Variants in SFI1 observed in about 807,000 individuals in gnomAD.
SFI1 encodes SFI1 centrin binding protein, also known as protein SFI1 homolog.
A neutral mutation model predicts 207.5 loss-of-function variants in SFI1; 195 were observed. The observed-to-expected ratio is 0.94, with a 90% CI of 0.84 to 1.06. The LOEUF is 1.06. Ranked by LOEUF, SFI1 falls within the 50% of genes least tolerant of loss-of-function variation. The pLI, the probability that SFI1 is intolerant of heterozygous loss-of-function variation, is 0.00. For missense variants in SFI1, 1,634 were observed against 1,588.0 expected (o/e 1.03, Z -0.49); for synonymous variants, 630 against 598.9 (o/e 1.05, Z -0.76).
At chr22:31,530,471 C>T in intron 3 of SFI1, 1 of 234,452 alleles carries the variant, frequency 4.3e-6, no homozygotes. Context: ...ACCTGGGCGA[C>T]AGAGCAAAAC....
At chr22:31,612,893 C>T (rs563468261) in intron 24 of SFI1, 8 of 520,918 alleles carry the variant, frequency 1.5e-5, no homozygotes, top group Non-Finnish European at 2.4e-5. Context: ...GGACCTCAGG[C>T]CGCTGCCTCC....
chr22:31,603,426 C>T (rs2068451069), intron 17 of SFI1, among the ~76,000 whole-genome samples: 1 of 152,128 alleles, frequency 6.6e-6, no homozygotes, highest in Non-Finnish European at 1.5e-5. Context: ...TGCTTTGGGG[C>T]CTTTCAGTGT....
At chr22:31,589,687 T>A in intron 15 of SFI1, 110 bp downstream of exon 15, 1 of 1,200,366 alleles carries the variant, frequency 8.3e-7, no homozygotes, top group Non-Finnish European at 1.1e-6. Context: ...CAGGCCCTAG[T>A]ACTTCCTGGA....
chr22:31,575,448 A>G (rs1002425378), intron 10 of SFI1, 56 bp downstream of exon 10: 63 of 1,471,624 alleles, frequency 4.3e-5, no homozygotes, highest in Non-Finnish European at 4.3e-5. Flanking sequence ...GCATGAGCTC[A>G]GCAGCATGTG....
At position 31,618,374 on chromosome 22, in the gene SFI1, G is replaced by A. The variant is rs369254957; in HGVS notation, c.3685G>A (p.Ala1229Thr). 51 of 1,606,286 alleles carry A rather than the reference G, an allele frequency of 3.2e-5. No individual in the cohort carries two copies. The highest frequency in any genetic ancestry group is 3.6e-4 in the Middle Eastern group (2 of 5,586). Residue 1229 changes from alanine (A) to threonine (T), a missense_variant, in exon 33 of 33, where the codon GCC becomes ACC. Ala to Thr is a moderately conservative substitution (Grantham distance 58). Transcript: ENST00000400288. ...CCAGGCTCAGCGCCAGCCCATTGGCGCCTGCGTTGCCCGCATCCAGGCCCT... is the reference window on the plus strand; with the variant it reads ...CCAGGCTCAGCGCCAGCCCATTGGCACCTGCGTTGCCCGCATCCAGGCCCT... ...ELQAQRQPIG[A>T]CVARIQALRQ...
At chr22:31,541,712 C>T (rs939519348) in intron 4 of SFI1, among the ~76,000 whole-genome samples, 2 of 145,650 alleles carry the variant, frequency 1.4e-5, no homozygotes, top group African/African-American at 5.1e-5. Context: ...CCACTGCACT[C>T]CAGCCTAGGT....
At chr22:31,579,536 C>T (rs560339276) in intron 11 of SFI1, among the ~76,000 whole-genome samples, 20 of 152,106 alleles carry the variant, frequency 1.3e-4, no homozygotes, top group African/African-American at 3.9e-4. Context: ...AAGATGGTCT[C>T]GATCTCCTGA....
intron 2 of SFI1, among the ~76,000 whole-genome samples, chr22:31,511,108 G>C (rs2055433000): frequency 6.6e-6 from 1 of 152,116 alleles, no homozygotes; most frequent in Non-Finnish European, 1.5e-5. Flanking sequence ...AACTGTTTGA[G>C]ACCTATTCAG....
chr22:31,544,027 G>A (rs1230697961), intron 4 of SFI1, among the ~76,000 whole-genome samples: 1 of 151,914 alleles, frequency 6.6e-6, no homozygotes, highest in African/African-American at 2.4e-5. Context: ...CGTCTCTACT[G>A]AAATACAAAA....
In SFI1 at chr22:31,508,236, T is replaced by A. The variant is rs1450722030; in HGVS notation, c.-30-19T>A. The A allele has an allele frequency of 1.4e-6, 2 of 1,388,478 alleles. No individual in the cohort carries two copies. The highest frequency in any genetic ancestry group is 2.3e-5 in the South Asian group (2 of 86,282). 86.0% of individuals were successfully genotyped at this position (1,388,478 alleles called of 1,614,324 possible). ...GCTGCAAATCATTTTCTCTCTTTTT[T>A]ATTCTCTTTTTCTTGTAGTTAGAAG... On this transcript the variant is annotated intron_variant, in intron 1 of 32. Transcript: ENST00000400288.
At chr22:31,599,630 C>T (rs914771709) in intron 15 of SFI1, among the ~76,000 whole-genome samples, 14 of 151,920 alleles carry the variant, frequency 9.2e-5, no homozygotes, top group African/African-American at 3.4e-4. Flanking sequence ...GTGCCTAGCC[C>T]AGACTAATTT....
intron 1 of SFI1, among the ~76,000 whole-genome samples, chr22:31,500,267 G>T (rs1242663865): frequency 8.5e-6 from 1 of 117,980 alleles, no homozygotes; most frequent in African/African-American, 3.3e-5. Flanking sequence ...CACAGAGTGA[G>T]ACTCTGTCTC....
chr22:31,604,289 G>A lies in SFI1; in HGVS notation c.1882-20G>A. ...ACTCAGACCCCAGCCCACGGTAGCT[G>A]CTTTCTCCTCTGTCTGCAGTGCCTG... On this transcript the variant is annotated intron_variant, in intron 18 of 32. Transcript: ENST00000400288. 1 of 1,556,152 alleles carries A rather than the reference G, an allele frequency of 6.4e-7. No individual in the cohort carries two copies. The highest frequency in any genetic ancestry group is 8.7e-7 in the Non-Finnish European group (1 of 1,151,594).
intron 19 of SFI1, 90 bp from the exon 20 acceptor site, chr22:31,604,779 C>A: frequency 1.7e-6 from 2 of 1,207,842 alleles, no homozygotes; most frequent in South Asian, 1.4e-5. Context: ...CTGGGCATGG[C>A]AGCCTTGTGG....
intron 7 of SFI1, 148 bp downstream of exon 7, chr22:31,557,207 C>A: frequency 1.8e-6 from 1 of 568,804 alleles, no homozygotes; most frequent in African/African-American, 1.9e-5. Context: ...GAGATAGGGT[C>A]TTACTCTGTC....
chr22:31,602,203 G>GT lies in SFI1; in HGVS notation c.1545-3dup. The GT allele has an allele frequency of 6.2e-7, 1 of 1,611,334 alleles. No homozygotes were observed. Among genetic ancestry groups the GT allele is most frequent in the East Asian group, 2.2e-5 (1 of 44,868 alleles). On this transcript the variant is annotated splice_polypyrimidine_tract_variant and intron_variant, in intron 15 of 32. Transcript: ENST00000400288. The stretch of plus-strand genomic sequence containing the variant: ...TTTTAAGTGCTTTACATTCTTCCTT[G>GT]TTTTTTAGGGAGACATTAGAGAAGC...
At chr22:31,505,759 C>T (rs1017562963) in intron 1 of SFI1, among the ~76,000 whole-genome samples, 4 of 152,284 alleles carry the variant, frequency 2.6e-5, no homozygotes, top group Admixed American at 2.6e-4. Context: ...TGGCACATAC[C>T]TGTGGTCCCA....
intron 1 of SFI1, among the ~76,000 whole-genome samples, chr22:31,503,168 C>T (rs2054084327): frequency 6.6e-6 from 1 of 151,340 alleles, no homozygotes; most frequent in Non-Finnish European, 1.5e-5. Flanking sequence ...GACAAGTCTG[C>T]TTTTTCATTG....
chr22:31,612,386 A>AGG (rs2070363282), intron 24 of SFI1: 1 of 108,406 alleles, frequency 9.2e-6, no homozygotes, highest in South Asian at 3.9e-4. Context: ...TCTAAAAAAA[A>AGG]AAAAAAAAAA....
Sources: allele counts gnomAD v4.1 joint callset (sites outside exome capture counted in the v4.1 genomes callset), GRCh38; gene constraint gnomAD v4.1.1; transcripts MANE v1.5; gene names NCBI Gene and HGNC (gene_info 2026-07-23, HGNC 2026-07-21).